Variants in SLC9A8 observed in about 807,000 individuals in gnomAD.
The protein encoded by SLC9A8 is sodium/hydrogen exchanger 8.
In SLC9A8, 48 loss-of-function variants were observed where a neutral mutation model predicts 66.6. The ratio of observed to expected loss-of-function variants is 0.72; its 90% CI spans 0.57 to 0.92. The LOEUF (loss-of-function observed/expected upper bound fraction) is 0.92, where lower values mean the gene tolerates loss of function less well. Among genes scored for constraint, SLC9A8 ranks in the 40% least tolerant of loss-of-function variants. The pLI, the probability that SLC9A8 is intolerant of heterozygous loss-of-function variation, is 0.00. For missense variants in SLC9A8, 599 were observed against 747.3 expected, an observed-to-expected ratio of 0.80 and a Z score of 2.31; for synonymous variants, 274 against 282.6, an observed-to-expected ratio of 0.97 and a Z score of 0.31.
intron 3 of SLC9A8, among the ~76,000 whole-genome samples, chr20:49,837,614 G>A (rs1053546981): frequency 7.2e-5 from 11 of 151,808 alleles, no homozygotes; most frequent in African/African-American, 2.7e-4. Flanking sequence ...CTGTCCACCA[G>A]GCTGGAGTGC....
At chr20:49,860,882 G>T (rs544373076) in intron 8 of SLC9A8, among the ~76,000 whole-genome samples, 27 of 152,350 alleles carry the variant, frequency 1.8e-4, no homozygotes, top group African/African-American at 6.3e-4. Context: ...ACATAAGGCA[G>T]CGAACAAGAT....
chr20:49,860,471 C>T (rs2088685581), intron 8 of SLC9A8, among the ~76,000 whole-genome samples: 1 of 152,102 alleles, frequency 6.6e-6, no homozygotes, highest in African/African-American at 2.4e-5. Flanking sequence ...AATCCCAGCA[C>T]TTTGGGAGGC....
chr20:49,823,040 GTAT>G lies in SLC9A8; in HGVS notation c.209-16_209-14del. 1 of 1,584,620 alleles carries G rather than the reference GTAT, an allele frequency of 6.3e-7. No individual in the cohort carries two copies. The highest frequency in any genetic ancestry group is 8.7e-7 in the Non-Finnish European group (1 of 1,154,396). ...AATTGAGTGTTTTTTTTAAAACATTGTATTATTTTTTTTTCCACAGCTATCTGC... is the reference window on the plus strand; with the variant it reads ...AATTGAGTGTTTTTTTTAAAACATTGTATTTTTTTTTCCACAGCTATCTGC... On this transcript the variant is annotated intron_variant, in intron 2 of 15. Transcript: ENST00000361573.
chr20:49,817,679 A>C (rs909445969), intron 2 of SLC9A8, among the ~76,000 whole-genome samples: 13 of 152,080 alleles, frequency 8.5e-5, no homozygotes, highest in Non-Finnish European at 4.4e-5. Context: ...AAATCCTAGG[A>C]CTCATCCTTG....
At chr20:49,856,219 T>A (rs561747852) in intron 8 of SLC9A8, among the ~76,000 whole-genome samples, 1 of 152,334 alleles carries the variant, frequency 6.6e-6, no homozygotes, top group African/African-American at 2.4e-5. Context: ...TCATTTGGTC[T>A]GGGGTGAGTC....
At chr20:49,813,902 C>T (rs1052838085) in intron 1 of SLC9A8, among the ~76,000 whole-genome samples, 1 of 152,094 alleles carries the variant, frequency 6.6e-6, no homozygotes, top group African/African-American at 2.4e-5. Flanking sequence ...GGGCTGTGTC[C>T]TCCAGGTACT....
intron 6 of SLC9A8, 139 bp downstream of exon 6, chr20:49,849,819 A>T: frequency 1.5e-6 from 1 of 686,394 alleles, no homozygotes; most frequent in South Asian, 1.7e-5. Flanking sequence ...AGGAAATCCT[A>T]GCTTCATATG....
intron 8 of SLC9A8, among the ~76,000 whole-genome samples, chr20:49,858,950 T>C (rs2088622198): frequency 6.9e-6 from 1 of 145,128 alleles, no homozygotes; most frequent in African/African-American, 2.7e-5. Flanking sequence ...AGAGCAAGAC[T>C]GTCTCAAAAA....
At chr20:49,879,164 G>C (rs1261361540) in intron 12 of SLC9A8, among the ~76,000 whole-genome samples, 1 of 152,148 alleles carries the variant, frequency 6.6e-6, no homozygotes, top group Non-Finnish European at 1.5e-5. Context: ...CACAGGTTGG[G>C]AGGAAAATGA....
In SLC9A8 at chr20:49,892,159, C is replaced by CT. The variant is rs778430520; in HGVS notation, c.*4226dup. 1 of 152,112 alleles carries CT rather than the reference C, an allele frequency of 6.6e-6. No individual in the cohort carries two copies. Among genetic ancestry groups the CT allele is most frequent in the Non-Finnish European group, 1.5e-5 (1 of 68,038 alleles). 9.4% of individuals were successfully genotyped at this position (152,112 alleles called of 1,614,324 possible). The stretch of plus-strand genomic sequence containing the variant: ...AGCCCCTGCGTCATCTCGTTGGACT[C>CT]TTTAAGGGAGTCAGGAATAGATGTA... On this transcript the variant is annotated 3_prime_UTR_variant, in exon 16 of 16. Transcript: ENST00000361573.
At chr20:49,832,832 TA>T (rs2087264837) in intron 3 of SLC9A8, among the ~76,000 whole-genome samples, 1 of 152,192 alleles carries the variant, frequency 6.6e-6, no homozygotes, top group Admixed American at 6.5e-5. Context: ...AGTGTTGTCT[TA>T]ATATTGTTGA....
intron 13 of SLC9A8, 33 bp from the exon 14 acceptor site, chr20:49,883,813 C>G: frequency 6.4e-7 from 1 of 1,562,470 alleles, no homozygotes; most frequent in Non-Finnish European, 8.7e-7. Flanking sequence ...TGCCTCTTCA[C>G]TGTGTCCTCT....
chr20:49,845,614 T>TC (rs1384382115), intron 5 of SLC9A8, among the ~76,000 whole-genome samples: 1 of 151,920 alleles, frequency 6.6e-6, no homozygotes, highest in Non-Finnish European at 1.5e-5. Flanking sequence ...AGCTTGATAT[T>TC]CCCCTTCATC....
intron 10 of SLC9A8, among the ~76,000 whole-genome samples, chr20:49,867,733 T>C (rs1234169865): frequency 1.3e-5 from 2 of 152,212 alleles, no homozygotes; most frequent in Non-Finnish European, 2.9e-5. Flanking sequence ...CCCTATCTTT[T>C]GTCCCATGTC....
intron 2 of SLC9A8, among the ~76,000 whole-genome samples, chr20:49,816,954 T>A (rs1485505092): frequency 2.0e-5 from 3 of 151,872 alleles, no homozygotes; most frequent in Admixed American, 2.0e-4. Flanking sequence ...GGTCTCAATC[T>A]CCTGACCTCG....
rs3092264 is a variant in SLC9A8 at position 49,887,811 on chromosome 20, TTG to T, written c.1639-14_1639-13del. ...TGCCCCTGACGCCCTGACGGCTTGG[TTG>T]TGTCTCTCGACCCAGGACCTGCACC... is the stretch of plus-strand genomic sequence containing the variant. On this transcript the variant is annotated splice_polypyrimidine_tract_variant and intron_variant, in intron 15 of 15. Transcript: ENST00000361573. 7.6e-3 allele frequency: 11,899 copies of T among 1,572,750 alleles called. 73 individuals are homozygous for T. The highest frequency in any genetic ancestry group is 9.5e-3 in the Non-Finnish European group (10,940 of 1,155,362).
rs771380723 is a variant in SLC9A8 at position 49,823,094 on chromosome 20, G to A, written c.242G>A (p.Arg81Gln). ...ICIILVHLLI[R>Q]YRLHFLPESV... ...ATCATATTGGTGCATTTACTGATCC[G>A]ATACAGATTACATTTCTTGCCAGAG... The change falls in exon 3 of 16, where the codon CGA becomes CAA. Residue 81 changes from arginine to glutamine, a missense_variant. Transcript: ENST00000361573. 1.7e-5 allele frequency: 27 copies of A among 1,612,140 alleles called. No homozygotes were observed. Among genetic ancestry groups the A allele is most frequent in the South Asian group, 7.7e-5 (7 of 90,706 alleles).
At chr20:49,860,828 G>T (rs2088700381) in intron 8 of SLC9A8, among the ~76,000 whole-genome samples, 1 of 152,170 alleles carries the variant, frequency 6.6e-6, no homozygotes, top group African/African-American at 2.4e-5. Context: ...CAACAAAAAG[G>T]TATTGACTGT....
intron 10 of SLC9A8, among the ~76,000 whole-genome samples, chr20:49,874,394 A>G (rs946988808): frequency 1.3e-5 from 2 of 152,040 alleles, no homozygotes; most frequent in Non-Finnish European, 2.9e-5. Context: ...GGGACTTTAC[A>G]TGGCTTATTT....
Sources: gnomAD v4.1 joint callset for allele counts (sites outside exome capture counted in the v4.1 genomes callset) on GRCh38, gnomAD v4.1.1 for gene constraint, MANE v1.5 for transcripts, NCBI Gene and HGNC (gene_info 2026-07-23, HGNC 2026-07-21) for gene names.